ONECUT2: variants seen among roughly 807,000 people sequenced by gnomAD.
The protein encoded by ONECUT2 is one cut domain family member 2.
ONECUT2 carries 10 observed loss-of-function variants against 27.9 expected under a neutral mutation model. The observed-to-expected ratio is 0.36, with a 90% confidence interval of 0.22 to 0.61. ONECUT2 has a LOEUF of 0.61. ONECUT2 is among the 20% of genes least tolerant of loss of function. ONECUT2 has a pLI of 0.73. For missense variants in ONECUT2, 686 were observed against 721.0 expected (o/e 0.95, Z 0.56); for synonymous variants, 334 against 315.1 (o/e 1.06, Z -0.64).
intron 1 of ONECUT2, among the ~76,000 whole-genome samples, chr18:57,462,448 C>T (rs940212036): frequency 1.3e-5 from 2 of 152,052 alleles, no homozygotes; most frequent in Admixed American, 6.6e-5. Flanking sequence ...TATAGTGGTA[C>T]GATCATAGCT....
At chr18:57,441,201 G>A (rs568912464) in intron 1 of ONECUT2, among the ~76,000 whole-genome samples, 27 of 152,348 alleles carry the variant, frequency 1.8e-4, no homozygotes, top group African/African-American at 6.3e-4. Flanking sequence ...TATATGGAGG[G>A]AGATCGATGC....
Position 57,482,937 on chromosome 18 carries a change from T to G in ONECUT2, c.*6214T>G, listed in dbSNP as rs1362868249. The G allele has an allele frequency of 6.6e-6, 1 of 152,594 alleles. No individual in the cohort carries two copies. 9.5% of individuals were successfully genotyped at this position (152,594 alleles called of 1,614,324 possible). ...CAAAAGTATCCCAGCATCTTCATCC[T>G]GTACACTTGGAATTAATTTCATTTG... On this transcript the variant is annotated 3_prime_UTR_variant, in exon 2 of 2. Coordinates refer to ENST00000491143, the MANE Select transcript of ONECUT2 (RefSeq NM_004852.3).
intron 1 of ONECUT2, among the ~76,000 whole-genome samples, chr18:57,457,891 A>C (rs894543831): frequency 1.3e-5 from 2 of 152,154 alleles, no homozygotes; most frequent in South Asian, 2.1e-4. Flanking sequence ...CAAACGCTGC[A>C]TGCTCTCACT....
At chr18:57,468,563 C>T (rs1274137434) in intron 1 of ONECUT2, among the ~76,000 whole-genome samples, 3 of 152,092 alleles carry the variant, frequency 2.0e-5, no homozygotes, top group Non-Finnish European at 2.9e-5. Flanking sequence ...TAAGACAGAC[C>T]CTCCCCATCC....
chr18:57,475,925 T>C (rs148700528), intron 1 of ONECUT2, among the ~76,000 whole-genome samples: 16 of 152,304 alleles, frequency 1.1e-4, no homozygotes, highest in African/African-American at 3.1e-4. Context: ...CACTTCTAAA[T>C]TCATTCTGTT....
chr18:57,461,162 T>G (rs1316950819), intron 1 of ONECUT2, among the ~76,000 whole-genome samples: 2 of 145,392 alleles, frequency 1.4e-5, no homozygotes, highest in Non-Finnish European at 3.1e-5. Context: ...AGTGTTGCTG[T>G]TTTTTTTTTA....
At chr18:57,469,055 C>T (rs1290978882) in intron 1 of ONECUT2, among the ~76,000 whole-genome samples, 1 of 152,140 alleles carries the variant, frequency 6.6e-6, no homozygotes, top group African/African-American at 2.4e-5. Flanking sequence ...AGGGAACAAG[C>T]CCAGAGGTAC....
Position 57,485,868 on chromosome 18 carries a change from A to G in ONECUT2, c.*9145A>G, listed in dbSNP as rs1486946563. The G allele has an allele frequency of 1.3e-5, 2 of 152,208 alleles. No individual in the cohort carries two copies. The highest frequency in any genetic ancestry group is 4.8e-5 in the African/African-American group (2 of 41,450). The allele number at this position is 152,208 out of a possible 1,614,324, so 9.4% of individuals were successfully genotyped here. On this transcript the variant is annotated 3_prime_UTR_variant, in exon 2 of 2. Coordinates refer to ENST00000491143, the MANE Select transcript of ONECUT2 (RefSeq NM_004852.3). ...AGTTCCCTCCTGTCCAAACAAGCTC[A>G]AGGCCCATCTTCTCCCTATACAAGG...
chr18:57,467,496 T>C (rs558722548), intron 1 of ONECUT2, among the ~76,000 whole-genome samples: 43 of 152,022 alleles, frequency 2.8e-4, no homozygotes, highest in African/African-American at 9.9e-4. Context: ...CTCCCGAGTA[T>C]CTGGGATTAC....
At position 57,436,663 on chromosome 18, in the gene ONECUT2, C is replaced by T. The variant is rs2050144680; in HGVS notation, c.947C>T (p.Pro316Leu). Residue 316 changes from proline (P) to leucine (L), a missense_variant, in exon 1 of 2, where the codon CCC becomes CTC. Around this residue, in one of 4 missense-constraint regions of ONECUT2, gnomAD observed 511 missense variants for 488.1 expected, o/e 1.05. Coordinates refer to ENST00000491143, the MANE Select transcript of ONECUT2 (RefSeq NM_004852.3). The surrounding 1 kb of genome is among the most constrained non-coding windows in gnomAD (Gnocchi z 5.9). ...PVLAPSRERP[P>L]SSSSGSQVAT... ...CTGGCACCCAGTCGCGAGCGGCCAC[C>T]CTCGTCCTCATCGGGCTCGCAGGTG... The T allele has an allele frequency of 6.2e-7, 1 of 1,612,860 alleles. No homozygotes were observed. The highest frequency in any genetic ancestry group is 8.5e-7 in the Non-Finnish European group (1 of 1,179,972).
At chr18:57,457,405 C>T (rs528901629) in intron 1 of ONECUT2, among the ~76,000 whole-genome samples, 32 of 152,320 alleles carry the variant, frequency 2.1e-4, no homozygotes, top group Admixed American at 3.9e-4. Context: ...AGATTTTACT[C>T]TATCCTGCCC....
chr18:57,444,084 G>A (rs527974538), intron 1 of ONECUT2, among the ~76,000 whole-genome samples: 1 of 152,310 alleles, frequency 6.6e-6, no homozygotes, highest in East Asian at 1.9e-4. Flanking sequence ...AAAGGGAAAG[G>A]TAAAATTAAG....
At position 57,465,730 on chromosome 18, in the gene ONECUT2, G is replaced by A. The variant is rs1014259916; in HGVS notation, c.1229-10707G>A. ...GTTTATTCATTCTCAAATGAGAAGA[G>A]ACCCATTCTGGCTTGCCATGGTCAA... On this transcript the variant is annotated intron_variant, in intron 1 of 1. Coordinates refer to ENST00000491143, the MANE Select transcript of ONECUT2 (RefSeq NM_004852.3). Among the ~76,000 whole-genome samples, 81 of 152,092 alleles carry A rather than the reference G, an allele frequency of 5.3e-4. 2 individuals carry two copies. Among genetic ancestry groups the A allele is most frequent in the Admixed American group, 5.2e-3 (79 of 15,276 alleles).
At chr18:57,459,986 A>C (rs1568121922) in intron 1 of ONECUT2, among the ~76,000 whole-genome samples, 1 of 152,146 alleles carries the variant, frequency 6.6e-6, no homozygotes, top group Non-Finnish European at 1.5e-5. Flanking sequence ...GCAGAGCCCC[A>C]ATCATAGCTC....
chr18:57,454,940 C>T (rs925828702), intron 1 of ONECUT2, among the ~76,000 whole-genome samples: 10 of 152,182 alleles, frequency 6.6e-5, no homozygotes, highest in African/African-American at 2.4e-4. Flanking sequence ...ATGTATTGAG[C>T]AGACATTCTG....
intron 1 of ONECUT2, among the ~76,000 whole-genome samples, chr18:57,443,937 A>C (rs1398089954): frequency 6.6e-6 from 1 of 152,254 alleles, no homozygotes; most frequent in Non-Finnish European, 1.5e-5. Flanking sequence ...GCACACCTCC[A>C]ATGTAATTTA....
chr18:57,452,868 G>A (rs1167761888), intron 1 of ONECUT2, among the ~76,000 whole-genome samples: 1 of 152,160 alleles, frequency 6.6e-6, no homozygotes, highest in East Asian at 1.9e-4. Flanking sequence ...ATTATTTTGT[G>A]TTAAGAAAAT....
At chr18:57,472,096 C>G (rs1180727919) in intron 1 of ONECUT2, among the ~76,000 whole-genome samples, 1 of 152,196 alleles carries the variant, frequency 6.6e-6, no homozygotes, top group African/African-American at 2.4e-5. Context: ...AGACCCTGAC[C>G]AGCATGTGAC....
At chr18:57,444,908 T>C (rs2050193371) in intron 1 of ONECUT2, among the ~76,000 whole-genome samples, 1 of 152,096 alleles carries the variant, frequency 6.6e-6, no homozygotes, top group Non-Finnish European at 1.5e-5. Flanking sequence ...GGAGGCAGAA[T>C]TGTGGGAAGT....
Sources: allele counts gnomAD v4.1 joint callset (sites outside exome capture counted in the v4.1 genomes callset), GRCh38; gene constraint gnomAD v4.1.1; regional missense constraint gnomAD v4.1.1; non-coding constraint Gnocchi (gnomAD v3.1); transcripts MANE v1.5; gene names NCBI Gene and HGNC (gene_info 2026-07-23, HGNC 2026-07-21).